The following FOLH1 variants were observed in gnomAD, a reference collection of about 807,000 sequenced individuals.
The protein encoded by FOLH1 is glutamate carboxypeptidase 2.
A neutral mutation model predicts 93.9 loss-of-function variants in FOLH1; 54 were observed. The ratio of observed to expected loss-of-function variants is 0.57; its 90% CI spans 0.46 to 0.72. The LOEUF (loss-of-function observed/expected upper bound fraction) is 0.72. FOLH1 is among the 30% of genes least tolerant of loss of function. The probability of loss-of-function intolerance (pLI) is 0.00; values close to 1 mark genes in which losing one functional copy is unlikely to be tolerated. For missense variants in FOLH1, 571 were observed against 892.5 expected (o/e 0.64, Z 4.59); for synonymous variants, 249 against 303.6 (o/e 0.82, Z 1.87).
At chr11:49,161,707 C>A (rs1205766995) in intron 13 of FOLH1, among the ~76,000 whole-genome samples, 1 of 152,000 alleles carries the variant, frequency 6.6e-6, no homozygotes, top group African/African-American at 2.4e-5. Flanking sequence ...TATGTGATTG[C>A]TTTATAGTAT....
chr11:49,201,486 A>G (rs1863250950), intron 2 of FOLH1, among the ~76,000 whole-genome samples: 1 of 151,480 alleles, frequency 6.6e-6, no homozygotes, highest in Admixed American at 6.6e-5. Context: ...ATTTTTTAAA[A>G]TTGGAATTTC....
chr11:49,147,492 T>G (rs1173962718), intron 18 of FOLH1, among the ~76,000 whole-genome samples: 1 of 152,012 alleles, frequency 6.6e-6, no homozygotes, highest in East Asian at 1.9e-4. Context: ...CATGTTAGAA[T>G]ACTTAATATA....
At chr11:49,153,071 C>T (rs1856649292) in intron 17 of FOLH1, among the ~76,000 whole-genome samples, 1 of 152,118 alleles carries the variant, frequency 6.6e-6, no homozygotes, top group Non-Finnish European at 1.5e-5. Flanking sequence ...TGTGTCCTTA[C>T]ATCAGCTCCT....
chr11:49,182,351 A>AAAC (rs34876267), intron 7 of FOLH1, among the ~76,000 whole-genome samples: 3 of 149,636 alleles, frequency 2.0e-5, no homozygotes, highest in Admixed American at 2.0e-4. Flanking sequence ...AAAAAAAAAA[A>AAAC]GGACATGGCA....
chr11:49,208,091 T>C, intron 1 of FOLH1: 1 of 627,634 alleles, frequency 1.6e-6, no homozygotes. Context: ...TACCAGCAGC[T>C]TGTCGAGAAC....
intron 1 of FOLH1, chr11:49,206,380 A>G (rs1863957323): frequency 4.5e-6 from 4 of 895,834 alleles, no homozygotes; most frequent in Non-Finnish European, 6.9e-6. Context: ...AACCAATTGC[A>G]AAATATTTCT....
chr11:49,194,875 A>G (rs1862459396), intron 3 of FOLH1, among the ~76,000 whole-genome samples: 1 of 152,008 alleles, frequency 6.6e-6, no homozygotes, highest in South Asian at 2.1e-4. Context: ...ATATATGATA[A>G]TAGGTCTCCA....
chr11:49,193,816 T>C (rs370090961), intron 3 of FOLH1, among the ~76,000 whole-genome samples: 25 of 152,034 alleles, frequency 1.6e-4, no homozygotes, highest in African/African-American at 5.8e-4. Context: ...TTAAAGCTGG[T>C]TCACATAATG....
At chr11:49,198,678 A>G (rs1296386318) in intron 3 of FOLH1, among the ~76,000 whole-genome samples, 2 of 152,084 alleles carry the variant, frequency 1.3e-5, no homozygotes, top group Non-Finnish European at 1.5e-5. Flanking sequence ...CTGTATAGAT[A>G]TGCCACCACT....
intron 6 of FOLH1, among the ~76,000 whole-genome samples, chr11:49,184,116 T>C (rs1449170025): frequency 1.3e-5 from 2 of 152,134 alleles, no homozygotes; most frequent in Non-Finnish European, 2.9e-5. Context: ...ATAAGAAACT[T>C]AGGTAACTGC....
rs192942084 is a variant in FOLH1, at chr11:49,206,018, T to A, written c.224+49A>T. On this transcript the variant is annotated intron_variant, in intron 2 of 18. Transcript: ENST00000256999. ...AAAATATTGGACCAAAACAGAATGA[T>A]AAATTTTTCTAACAACTTGTCCATA... is the stretch of plus-strand genomic sequence containing the variant. 15,219 of 1,560,372 alleles carry A rather than the reference T, an allele frequency of 9.8e-3. 121 individuals carry two copies. The highest frequency in any genetic ancestry group is 0.019 in the Middle Eastern group (113 of 5,812).
intron 2 of FOLH1, among the ~76,000 whole-genome samples, chr11:49,201,705 C>T (rs1175777342): frequency 6.6e-6 from 1 of 152,106 alleles, no homozygotes; most frequent in Non-Finnish European, 1.5e-5. Flanking sequence ...GCAGGGAAAA[C>T]AGAAAAACAG....
chr11:49,155,360 A>G (rs1856893029), intron 15 of FOLH1, among the ~76,000 whole-genome samples: 2 of 152,072 alleles, frequency 1.3e-5, no homozygotes, highest in Admixed American at 1.3e-4. Flanking sequence ...CCTACCTCAC[A>G]GACAGGAGAC....
At chr11:49,194,768 TA>T (rs1159233699) in intron 3 of FOLH1, among the ~76,000 whole-genome samples, 1 of 151,836 alleles carries the variant, frequency 6.6e-6, no homozygotes, top group Non-Finnish European at 1.5e-5. Context: ...AAATATTAAT[TA>T]AAAAAAATTT....
intron 13 of FOLH1, among the ~76,000 whole-genome samples, chr11:49,163,167 C>T (rs1251335647): frequency 6.6e-6 from 1 of 152,058 alleles, no homozygotes; most frequent in Non-Finnish European, 1.5e-5. Flanking sequence ...AAGTCTGAAA[C>T]CTGGGATGGC....
intron 11 of FOLH1, among the ~76,000 whole-genome samples, chr11:49,170,017 A>C (rs1476738031): frequency 1.3e-5 from 2 of 152,166 alleles, no homozygotes; most frequent in Non-Finnish European, 2.9e-5. Flanking sequence ...ACTTTGACTA[A>C]GTCTACAGGA....
intron 10 of FOLH1, 115 bp downstream of exon 10, chr11:49,173,242 A>C: frequency 9.0e-7 from 1 of 1,115,860 alleles, no homozygotes; most frequent in Non-Finnish European, 1.2e-6. Context: ...AAATTGTATT[A>C]GTATTTTTAC....
rs1485566538 is a variant in FOLH1, at chr11:49,172,757, A to T, written c.1225+600T>A. ...ATGTGTAATTATTATTTTAAAAAGC[A>T]AACATTTGAACTAAATTTTACTTTG... On this transcript the variant is annotated intron_variant, in intron 10 of 18. Transcript: ENST00000256999. 2.0e-5 allele frequency among the ~76,000 whole-genome samples: 3 copies of T among 152,320 alleles called. No homozygotes were observed. In the East Asian group the frequency reaches 5.8e-4, roughly 29 times the overall value.
intron 15 of FOLH1, 151 bp from the exon 16 acceptor site, chr11:49,154,643 T>C: frequency 7.0e-7 from 1 of 1,433,500 alleles, no homozygotes; most frequent in Non-Finnish European, 9.2e-7. Context: ...AAATGGCTAA[T>C]ATTATGATAC....
Sources: gnomAD v4.1 joint callset for allele counts (sites outside exome capture counted in the v4.1 genomes callset) on GRCh38, gnomAD v4.1.1 for gene constraint, MANE v1.5 for transcripts, NCBI Gene and HGNC (gene_info 2026-07-23, HGNC 2026-07-21) for gene names.